Variants in DNAH10 observed in about 807,000 individuals in gnomAD.
DNAH10 encodes dynein axonemal heavy chain 10.
A neutral mutation model predicts 506.6 loss-of-function variants in DNAH10; 348 were observed. That is an observed-to-expected ratio of 0.69 (90% CI 0.63 to 0.75). The LOEUF is 0.75. Among genes scored for constraint, DNAH10 ranks in the 30% least tolerant of loss-of-function variants. The pLI is 0.00. For synonymous variants in DNAH10, 2,059 were observed against 2,198.6 expected (o/e 0.94, Z 1.78); for missense variants, 5,179 against 5,787.1 (o/e 0.89, Z 3.41).
chr12:123,935,007 T>C (rs1955424641), intron 78 of DNAH10: 2 of 620,242 alleles, frequency 3.2e-6, no homozygotes, highest in Non-Finnish European at 5.6e-6. Flanking sequence ...TGTGATCCTG[T>C]GGTCTAGACT....
intron 3 of DNAH10, among the ~76,000 whole-genome samples, chr12:123,772,537 A>G (rs1050498092): frequency 5.3e-5 from 8 of 152,210 alleles, no homozygotes; most frequent in Non-Finnish European, 4.4e-5. Flanking sequence ...TCATTGCTTC[A>G]TAAGTACGTC....
chr12:123,790,584 G>A (rs1568028), intron 11 of DNAH10, among the ~76,000 whole-genome samples: 80,459 of 151,958 alleles, frequency 0.53, 22,631 homozygotes, highest in East Asian at 0.94. Flanking sequence ...CTGAGACAGC[G>A]GAGGGGGTTT....
chr12:123,811,754 C>G (rs1023559082), intron 19 of DNAH10, among the ~76,000 whole-genome samples: 5 of 152,072 alleles, frequency 3.3e-5, no homozygotes, highest in African/African-American at 1.2e-4. Context: ...CCGCCCACCT[C>G]GGCCTCCCAA....
At chr12:123,774,103 C>A in intron 4 of DNAH10, 46 bp from the exon 5 acceptor site, 3 of 1,228,874 alleles carry the variant, frequency 2.4e-6, no homozygotes, top group Non-Finnish European at 3.5e-6. Context: ...TAACTGTTGG[C>A]TGCTCTCTCC....
chr12:123,826,443 A>T (rs1323527544), intron 24 of DNAH10, among the ~76,000 whole-genome samples: 5 of 152,208 alleles, frequency 3.3e-5, no homozygotes, highest in Non-Finnish European at 7.3e-5. Flanking sequence ...GGGAAGATGT[A>T]TTTCTGGATC....
chr12:123,930,578 G>C lies in DNAH10; in HGVS notation c.12784+5G>C. ...ATGAAAAGGAGAAATTTGTTGGTGA[G>C]ATTTCTCAGACATGAAAAGATGTTT... On this transcript the variant is annotated splice_donor_5th_base_variant and intron_variant, in intron 73 of 78. Coordinates refer to ENST00000673944, the MANE Select transcript of DNAH10 (RefSeq NM_001372106.1). The C allele has an allele frequency of 6.2e-7, 1 of 1,605,408 alleles. No individual in the cohort carries two copies. Among genetic ancestry groups the C allele is most frequent in the Non-Finnish European group, 8.5e-7 (1 of 1,177,730 alleles).
intron 19 of DNAH10, among the ~76,000 whole-genome samples, chr12:123,810,767 TA>T (rs1436475191): frequency 6.6e-6 from 1 of 152,218 alleles, no homozygotes; most frequent in Non-Finnish European, 1.5e-5. Flanking sequence ...AAGTCTCTGT[TA>T]CATAAATTCT....
At chr12:123,914,605 T>C (rs1369046246) in intron 61 of DNAH10, 55 bp downstream of exon 61, 3 of 1,550,574 alleles carry the variant, frequency 1.9e-6, no homozygotes. Context: ...ACAGGGGGTC[T>C]ACGTGGGTGT....
intron 11 of DNAH10, among the ~76,000 whole-genome samples, chr12:123,791,810 A>T (rs1673603498): frequency 6.6e-6 from 1 of 152,076 alleles, no homozygotes; most frequent in African/African-American, 2.4e-5. Flanking sequence ...GCCTCAAGTG[A>T]TCCTCCTACC....
intron 73 of DNAH10, among the ~76,000 whole-genome samples, chr12:123,931,053 A>G (rs143409983): frequency 2.0e-3 from 300 of 152,262 alleles, no homozygotes; most frequent in Non-Finnish European, 3.1e-3. Context: ...CAAAAAAACA[A>G]AAAACAAAAA....
rs1039905885 is a variant in DNAH10, at chr12:123,762,432, C to T, written c.96C>T (p.Asp32=). 2.8e-6 allele frequency: 4 copies of T among 1,434,340 alleles called. No homozygotes were observed. The highest frequency in any genetic ancestry group is 5.5e-5 in the Admixed American group (2 of 36,648). 88.9% of individuals were successfully genotyped at this position (1,434,340 alleles called of 1,614,324 possible). A position where few individuals can be genotyped will look rare whatever the true frequency, so the allele number is the denominator to read the frequency against. ...PQLFEDLLNR[D]DGQGEDLILH... is the part of the protein sequence containing the mutation. ...TTTTCGAGGACCTGCTCAACCGCGA[C>T]GACGGCCAGGGCGAGGACCTCATCT... The change falls in exon 1 of 79, where the codon GAC becomes GAT. Residue 32 remains aspartate, a synonymous_variant. Transcript: ENST00000673944. The surrounding 1 kb of genome is among the most constrained non-coding windows in gnomAD (Gnocchi z 5.0).
At chr12:123,766,062 TTATC>T (rs1957034587) in intron 1 of DNAH10, among the ~76,000 whole-genome samples, 1 of 151,530 alleles carries the variant, frequency 6.6e-6, no homozygotes, top group South Asian at 2.1e-4. Context: ...ACACATCTGT[TTATC>T]TGTCTATACA....
intron 57 of DNAH10, chr12:123,908,289 T>G: frequency 4.4e-6 from 2 of 454,806 alleles, no homozygotes; most frequent in Non-Finnish European, 4.4e-6. Context: ...TGTGCATGTG[T>G]CTCCCCCTCT....
intron 34 of DNAH10, among the ~76,000 whole-genome samples, chr12:123,849,891 T>C (rs754690644): frequency 6.6e-6 from 1 of 152,168 alleles, no homozygotes; most frequent in Non-Finnish European, 1.5e-5. Flanking sequence ...AGATTTCCCT[T>C]TGATGAGTTC....
At chr12:123,935,034 C>T in intron 78 of DNAH10, 1 of 602,314 alleles carries the variant, frequency 1.7e-6, no homozygotes, top group South Asian at 2.2e-5. Context: ...GGGGAGACTC[C>T]CTCCCTTCTT....
chr12:123,788,238 G>A (rs1468228388), intron 10 of DNAH10, among the ~76,000 whole-genome samples: 1 of 152,078 alleles, frequency 6.6e-6, no homozygotes, highest in Admixed American at 6.5e-5. Context: ...CTGCTTTTTG[G>A]CTTTCCTTTG....
Position 123,925,124 on chromosome 12 carries a change from G to A in DNAH10, c.11841G>A (p.Lys3947=). 6.2e-7 allele frequency: 1 copy of A among 1,614,014 alleles called. No homozygotes were observed. The highest frequency in any genetic ancestry group is 1.1e-5 in the South Asian group (1 of 91,086). The change falls in exon 68 of 79, where the codon AAG becomes AAA. Residue 3947 remains lysine (K), a synonymous_variant. Transcript: ENST00000673944. The surrounding 1 kb of genome is among the most constrained non-coding windows in gnomAD (Gnocchi z 4.0). ...ATAACAACATCACCCCTTTCCAGAA[G>A]TTGCTTATTTTGCGCTGTTTCCGTG... ...GYDNNITPFQ[K]LLILRCFRVD...
chr12:123,838,480 C>G lies in DNAH10; in HGVS notation c.4927C>G (p.Pro1643Ala). Residue 1643 changes from proline to alanine, a missense_variant, in exon 29 of 79, where the codon CCC becomes GCC. Transcript: ENST00000673944. ...KRIMGETLKD[P>A]VIKRCCEAPN... is the part of the protein sequence containing the mutation. ...GATCATGGGTGAGACCTTAAAAGAC[C>G]CCGTGATCAAGAGGTGCTGTGAAGC... The G allele has an allele frequency of 3.7e-6, 6 of 1,613,812 alleles. No homozygotes were observed. Among genetic ancestry groups the G allele is most frequent in the African/African-American group, 1.3e-5 (1 of 75,004 alleles).
At chr12:123,929,539 C>T in intron 71 of DNAH10, 55 bp downstream of exon 71, 5 of 1,587,162 alleles carry the variant, frequency 3.2e-6, no homozygotes, top group Non-Finnish European at 4.3e-6. Context: ...CCACTTCCTC[C>T]CGACTTTCCT....
Sources: gnomAD v4.1 joint callset for allele counts (sites outside exome capture counted in the v4.1 genomes callset) on GRCh38, gnomAD v4.1.1 for gene constraint, Gnocchi (gnomAD v3.1) non-coding constraint, MANE v1.5 for transcripts, NCBI Gene and HGNC (gene_info 2026-07-23, HGNC 2026-07-21) for gene names.